The following ZNF440 variants were observed in gnomAD, a reference collection of about 807,000 sequenced individuals.
ZNF440 encodes zinc finger protein 440.
ZNF440 carries 47 observed loss-of-function variants against 49.7 expected under a neutral mutation model. The ratio of observed to expected loss-of-function variants is 0.95; its 90% CI spans 0.75 to 1.21. The LOEUF (loss-of-function observed/expected upper bound fraction) is 1.21, where lower values mean the gene tolerates loss of function less well. ZNF440 is among the 50% of genes most tolerant of loss of function. The probability of loss-of-function intolerance (pLI) is 0.00; values close to 1 mark genes in which losing one functional copy is unlikely to be tolerated. For synonymous variants in ZNF440, 255 were observed against 237.7 expected (o/e 1.07, Z -0.67); for missense variants, 703 against 715.0 (o/e 0.98, Z 0.19).
chr19:11,820,239 CAG>C (rs1262488748), intron 1 of ZNF440, among the ~76,000 whole-genome samples: 1 of 152,046 alleles, frequency 6.6e-6, no homozygotes, highest in Non-Finnish European at 1.5e-5. Flanking sequence ...GTTTTTGAGA[CAG>C]AGTCTCACTC....
rs1599286237 is a variant in ZNF440, at chr19:11,814,372, T to C, written c.-76T>C. 4 of 1,493,576 alleles carry C rather than the reference T, an allele frequency of 2.7e-6. No individual in the cohort carries two copies. The East Asian group carries it at 1.1e-4, about 41-fold the overall frequency. 92.5% of individuals were successfully genotyped at this position (1,493,576 alleles called of 1,614,324 possible). A position where few individuals can be genotyped will look rare whatever the true frequency, so the allele number is the denominator to read the frequency against. On this transcript the variant is annotated 5_prime_UTR_variant, in exon 1 of 4. Coordinates refer to ENST00000304060, the MANE Select transcript of ZNF440 (RefSeq NM_152357.3). ...GTGCCTCCACCAGAGCTTCTGTCGC[T>C]CTGTAACCTGCACTGTGACCTACAC...
rs1421280635 is a variant in ZNF440, at chr19:11,814,492, G to T, written c.3+42G>T. 6 of 1,483,006 alleles carry T rather than the reference G, an allele frequency of 4.0e-6. No homozygotes were observed. In the East Asian group the frequency reaches 1.4e-4, roughly 34 times the overall value. 91.9% of individuals were successfully genotyped at this position (1,483,006 alleles called of 1,614,324 possible). ...TGGCGTCCGGGCGACTGGGAGAGGG[G>T]CTGGAATCGGCCGGAACCGGCTGAG... On this transcript the variant is annotated intron_variant, in intron 1 of 3. Transcript: ENST00000304060.
Position 11,830,653 on chromosome 19 carries a change from A to G in ZNF440, c.167A>G (p.His56Arg). The change falls in exon 3 of 4, where the codon CAC becomes CGC. Residue 56 changes from histidine to arginine, a missense_variant. Physicochemically the swap from His to Arg is conservative, Grantham distance 29. Coordinates refer to ENST00000304060, the MANE Select transcript of ZNF440 (RefSeq NM_152357.3). ...RWKDQNIEYE[H>R]QNPRRNFRSL... ...AAAGACCAGAACATTGAATATGAGCACCAAAACCCCAGGAGAAACTTCAGG... is the reference window on the plus strand; with the variant it reads ...AAAGACCAGAACATTGAATATGAGCGCCAAAACCCCAGGAGAAACTTCAGG... The G allele has an allele frequency of 1.2e-6, 2 of 1,614,122 alleles. No homozygotes were observed. Among genetic ancestry groups the G allele is most frequent in the Non-Finnish European group, 1.7e-6 (2 of 1,179,988 alleles).
At chr19:11,831,347 T>C in intron 3 of ZNF440, 21 bp from the exon 4 acceptor site, 6 of 1,594,942 alleles carry the variant, frequency 3.8e-6, no homozygotes, top group Non-Finnish European at 5.1e-6. Flanking sequence ...CCCTTCATAA[T>C]ATGCTTCTCA....
rs757440091 is a variant in ZNF440, at chr19:11,831,838, T to C, written c.662T>C (p.Ile221Thr). The change falls in exon 4 of 4, where the codon ATT (isoleucine) becomes ACT (threonine). Residue 221 changes from isoleucine to threonine, a missense_variant. Transcript: ENST00000304060. ...AGATTATATCTTATCCATGAAAGAATTCACACTGGAGAGAAACCATGTGAA... is the reference window on the plus strand; with the variant it reads ...AGATTATATCTTATCCATGAAAGAACTCACACTGGAGAGAAACCATGTGAA... ...CLRLYLIHER[I>T]HTGEKPCECK... is the part of the protein sequence containing the mutation. 5.0e-6 allele frequency: 8 copies of C among 1,613,924 alleles called. No homozygotes were observed. In the South Asian group the frequency reaches 6.6e-5, roughly 13 times the overall value.
intron 1 of ZNF440, among the ~76,000 whole-genome samples, chr19:11,819,150 A>G (rs286251): frequency 0.025 from 3,862 of 152,234 alleles, 103 homozygotes; most frequent in Middle Eastern, 0.068. Flanking sequence ...CCCCATCTCA[A>G]TTATGAAAAA....
chr19:11,821,141 T>C (rs936865063), intron 1 of ZNF440, among the ~76,000 whole-genome samples: 1 of 152,216 alleles, frequency 6.6e-6, no homozygotes, highest in African/African-American at 2.4e-5. Context: ...AAGGGTGTTA[T>C]GTCTTCAGCG....
In ZNF440 at chr19:11,832,400, C is replaced by T. The variant is rs368417104; in HGVS notation, c.1224C>T (p.Ala408=). The change falls in exon 4 of 4, where the codon GCC becomes GCT. Residue 408 remains alanine, a synonymous_variant. Coordinates refer to ENST00000304060, the MANE Select transcript of ZNF440 (RefSeq NM_152357.3). The stretch of plus-strand genomic sequence containing the variant: ...AATGTGGGAAAGCCTTCAGATCTGC[C>T]TCACACCTTCGAGTGCATGGTAGGA... ...CKQCGKAFRS[A]SHLRVHGRTH... The T allele has an allele frequency of 5.6e-5, 90 of 1,610,542 alleles. No homozygotes were observed. Among genetic ancestry groups the T allele is most frequent in the Non-Finnish European group, 7.0e-5 (83 of 1,179,040 alleles).
chr19:11,830,162 A>G (rs1975916471), intron 1 of ZNF440, 121 bp from the exon 2 acceptor site: 5 of 1,523,646 alleles, frequency 3.3e-6, no homozygotes, highest in Non-Finnish European at 4.4e-6. Flanking sequence ...AGATCTGATG[A>G]CCAAAGCAGG....
At position 11,833,455 on chromosome 19, in the gene ZNF440, T is replaced by A. The variant is rs10411874; in HGVS notation, c.*491T>A. On this transcript the variant is annotated 3_prime_UTR_variant, in exon 4 of 4. Coordinates refer to ENST00000304060, the MANE Select transcript of ZNF440 (RefSeq NM_152357.3). ...CATTCAGCTTGCCTACTTCCTTTCA[T>A]AGACATGAAAAGACTCACACTGGAA... 1.7e-5 allele frequency: 6 copies of A among 358,392 alleles called. No individual in the cohort carries two copies. Among genetic ancestry groups the A allele is most frequent in the Non-Finnish European group, 3.3e-5 (6 of 184,302 alleles). The allele number at this position is 358,392 out of a possible 1,614,324, so 22.2% of individuals were successfully genotyped here.
chr19:11,828,844 C>A (rs905277432), intron 1 of ZNF440, among the ~76,000 whole-genome samples: 1 of 151,932 alleles, frequency 6.6e-6, no homozygotes, highest in Admixed American at 6.6e-5. Flanking sequence ...GCCATTACAC[C>A]CGGATAATTT....
chr19:11,820,671 T>C (rs549855686), intron 1 of ZNF440, among the ~76,000 whole-genome samples: 1 of 152,190 alleles, frequency 6.6e-6, no homozygotes, highest in Admixed American at 6.5e-5. Flanking sequence ...GAATGAATAA[T>C]AGTGGAGGAG....
intron 1 of ZNF440, among the ~76,000 whole-genome samples, chr19:11,828,449 T>G (rs1341498512): frequency 6.6e-6 from 1 of 152,160 alleles, no homozygotes; most frequent in Non-Finnish European, 1.5e-5. Flanking sequence ...CCTCCCAAAG[T>G]GCTGGGATTA....
Position 11,834,331 on chromosome 19 carries a change from A to AT in ZNF440, c.*1369dup, listed in dbSNP as rs1267987664. On this transcript the variant is annotated 3_prime_UTR_variant, in exon 4 of 4. Transcript: ENST00000304060. Reference sequence around the variant, plus strand: ...TTTAGTAGAGACGGGGTTTCACCATATTGGCTAGGCTGGTCTCAAACTCCA... The same window carrying AT: ...TTTAGTAGAGACGGGGTTTCACCATATTTGGCTAGGCTGGTCTCAAACTCCA... The AT allele has an allele frequency of 6.5e-6, 1 of 154,158 alleles. No homozygotes were observed. The highest frequency in any genetic ancestry group is 1.4e-5 in the Non-Finnish European group (1 of 69,380). 9.5% of individuals were successfully genotyped at this position (154,158 alleles called of 1,614,324 possible).
At chr19:11,815,841 T>G (rs1975726859) in intron 1 of ZNF440, 1 of 152,238 alleles carries the variant, frequency 6.6e-6, no homozygotes, top group Non-Finnish European at 1.5e-5. Flanking sequence ...AGGCGGCGGT[T>G]GCAGTCAGCC....
chr19:11,822,867 C>T (rs1309422535), intron 1 of ZNF440, among the ~76,000 whole-genome samples: 1 of 106,704 alleles, frequency 9.4e-6, no homozygotes, highest in Non-Finnish European at 2.1e-5. Flanking sequence ...AAAAAGATGC[C>T]CTGGTTTCAC....
At chr19:11,823,204 A>G (rs1975820502) in intron 1 of ZNF440, among the ~76,000 whole-genome samples, 1 of 152,150 alleles carries the variant, frequency 6.6e-6, no homozygotes, top group African/African-American at 2.4e-5. Flanking sequence ...GTGTCTTCTC[A>G]TAAGAGCACT....
chr19:11,829,115 T>C (rs1427708100), intron 1 of ZNF440, among the ~76,000 whole-genome samples: 5 of 152,136 alleles, frequency 3.3e-5, no homozygotes, highest in African/African-American at 1.2e-4. Flanking sequence ...AGGAAGGTCG[T>C]ATAGTGGTTA....
At chr19:11,830,218 TAG>T (rs1975917056) in intron 1 of ZNF440, 63 bp from the exon 2 acceptor site, 6 of 1,598,046 alleles carry the variant, frequency 3.8e-6, no homozygotes, top group African/African-American at 1.4e-5. Context: ...TTCTTGGGAA[TAG>T]AGTCTAGGCC....
Sources: allele counts gnomAD v4.1 joint callset (sites outside exome capture counted in the v4.1 genomes callset), GRCh38; gene constraint gnomAD v4.1.1; transcripts MANE v1.5; gene names NCBI Gene and HGNC (gene_info 2026-07-23, HGNC 2026-07-21).